The following ARSG variants were observed in gnomAD, a reference collection of about 807,000 sequenced individuals.
ARSG encodes the protein arylsulfatase G.
Under a neutral mutation model 50.5 loss-of-function variants are expected in ARSG, and 37 were observed. The ratio of observed to expected loss-of-function variants is 0.73; its 90% confidence interval spans 0.56 to 0.96. ARSG has a LOEUF of 0.96. Among genes scored for constraint, ARSG ranks in the 50% least tolerant of loss-of-function variants. The pLI is 0.00. For synonymous variants in ARSG, 225 were observed against 254.6 expected, an observed-to-expected ratio of 0.88 and a Z score of 1.11; for missense variants, 629 against 675.3, an observed-to-expected ratio of 0.93 and a Z score of 0.76.
intron 9 of ARSG, among the ~76,000 whole-genome samples, chr17:68,389,219 G>A (rs938154681): frequency 3.3e-5 from 5 of 152,172 alleles, no homozygotes; most frequent in African/African-American, 9.7e-5. Context: ...GGTTGGTGGA[G>A]GTGGTCTCAC....
chr17:68,401,201 T>A, intron 10 of ARSG, 159 bp from the exon 11 acceptor site: 1 of 632,370 alleles, frequency 1.6e-6, no homozygotes, highest in Non-Finnish European at 2.8e-6. Flanking sequence ...TTTTGTATTT[T>A]TTTGTAGGGA....
chr17:68,371,981 A>G (rs1861784), intron 8 of ARSG, among the ~76,000 whole-genome samples: 152,326 of 152,336 alleles, frequency 1, 76,158 homozygotes, highest in Non-Finnish European at 1. Flanking sequence ...AACATTAGCA[A>G]TAATTACCTC....
intron 11 of ARSG, among the ~76,000 whole-genome samples, chr17:68,416,880 T>G (rs374719741): frequency 6.6e-6 from 1 of 152,244 alleles, no homozygotes; most frequent in Admixed American, 6.5e-5. Context: ...CTTCTTGTAT[T>G]GATTTTTGGA....
At chr17:68,440,485 T>C in the ARSG span, among the ~76,000 whole-genome samples, 1 of 152,148 alleles carries the variant, frequency 6.6e-6, no homozygotes, top group African/African-American at 2.4e-5. Flanking sequence ...TTGCAAAGCC[T>C]AGAAAATATA....
chr17:68,372,888 T>C lies in ARSG; in HGVS notation c.982+2364T>C, dbSNP rs929209937. Among the ~76,000 whole-genome samples, 9 of 45,272 alleles carry C rather than the reference T, an allele frequency of 2.0e-4. 2 individuals carry two copies. In the East Asian group the frequency reaches 2.9e-3, roughly 14 times the overall value. The allele number at this position is 45,272 out of a possible 152,430, so 29.7% of individuals were successfully genotyped here. ...AGAAGGAAATGCTGATTTTTTTTTT[T>C]TTTTTTTTTTTTTTTTTTTTTGAGA... On this transcript the variant is annotated intron_variant, in intron 8 of 11. Coordinates refer to ENST00000621439, the MANE Select transcript of ARSG (RefSeq NM_001267727.2).
the ARSG span, among the ~76,000 whole-genome samples, chr17:68,434,357 G>A: frequency 3.3e-5 from 5 of 152,164 alleles, no homozygotes; most frequent in South Asian, 1.0e-3. Flanking sequence ...GCTGAACTGT[G>A]TTAAAACAGC....
chr17:68,315,568 C>G (rs1398623039), intron 2 of ARSG, among the ~76,000 whole-genome samples: 3 of 151,210 alleles, frequency 2.0e-5, no homozygotes, highest in Non-Finnish European at 4.4e-5. Context: ...TTTTTTCTCC[C>G]TTTGGTGCTA....
At chr17:68,335,517 G>A (rs1298426707) in intron 2 of ARSG, among the ~76,000 whole-genome samples, 2 of 147,488 alleles carry the variant, frequency 1.4e-5, no homozygotes, top group African/African-American at 5.1e-5. Context: ...TCATGCCACT[G>A]CCCTCCAGCC....
intron 8 of ARSG, among the ~76,000 whole-genome samples, chr17:68,376,276 C>CGTTTTTTTTTTTTTTTTTTT (rs149045241): frequency 7.6e-6 from 1 of 131,944 alleles, no homozygotes. Context: ...GCGCCCCCTG[C>CGTTTTTTTTTTTTTTTTTTT]ATTTTTTTTT....
downstream of ARSG, among the ~76,000 whole-genome samples, chr17:68,424,803 G>A (rs988201893): frequency 2.0e-5 from 3 of 151,274 alleles, no homozygotes; most frequent in Non-Finnish European, 4.4e-5. Flanking sequence ...CTTGAACCCA[G>A]GAGGCAGAGG....
chr17:68,426,254 G>GGGGGGGGGGGGGGGGGGGGGGGT, downstream of ARSG: 1 of 816,924 alleles, frequency 1.2e-6, no homozygotes, highest in Non-Finnish European at 1.9e-6. Flanking sequence ...GGGAGCGGGG[G>GGGGGGGGGGGGGGGGGGGGGGGT]CTCAAATAAA....
intron 2 of ARSG, among the ~76,000 whole-genome samples, chr17:68,326,507 A>C (rs116363297): frequency 0.14 from 21,937 of 152,170 alleles, 1,694 homozygotes; most frequent in Middle Eastern, 0.22. Context: ...TCTACTCTAA[A>C]TACAAAAATT....
At chr17:68,388,189 T>G (rs1050665251) in intron 9 of ARSG, among the ~76,000 whole-genome samples, 6 of 152,212 alleles carry the variant, frequency 3.9e-5, no homozygotes, top group African/African-American at 1.4e-4. Context: ...GCCAGGGCTT[T>G]GGCAGCACAT....
downstream of ARSG, chr17:68,421,698 A>T (rs2082785527): frequency 6.2e-7 from 1 of 1,606,870 alleles, no homozygotes; most frequent in Non-Finnish European, 8.5e-7. Context: ...ATTGCACTCC[A>T]TTCTTCCGCC....
upstream of ARSG, among the ~76,000 whole-genome samples, chr17:68,290,352 C>T (rs2075943556): frequency 6.6e-6 from 1 of 152,234 alleles, no homozygotes; most frequent in African/African-American, 2.4e-5. Context: ...ACGACAACAA[C>T]CTAGAAGGAA....
At chr17:68,332,515 G>A (rs1377437841) in intron 2 of ARSG, among the ~76,000 whole-genome samples, 2 of 152,164 alleles carry the variant, frequency 1.3e-5, no homozygotes, top group African/African-American at 4.8e-5. Context: ...ATTGATTGGG[G>A]AAGTGATAAG....
the ARSG span, among the ~76,000 whole-genome samples, chr17:68,436,695 G>A: frequency 6.6e-6 from 1 of 152,166 alleles, no homozygotes; most frequent in African/African-American, 2.4e-5. Flanking sequence ...CACTGGCTGC[G>A]TCCTTGCTAC....
chr17:68,368,419 G>T, intron 6 of ARSG, 129 bp from the exon 7 acceptor site: 2 of 755,232 alleles, frequency 2.6e-6, no homozygotes, highest in East Asian at 5.0e-5. Context: ...CTGGATAAAT[G>T]TGTCCTTCTT....
chr17:68,421,401 A>T (rs140191445), downstream of ARSG: 240 of 228,170 alleles, frequency 1.1e-3, 3 homozygotes, highest in African/African-American at 5.1e-3. Flanking sequence ...TAAGTATGTA[A>T]TATACAAGAA....
Sources: allele counts gnomAD v4.1 joint callset (sites outside exome capture counted in the v4.1 genomes callset), GRCh38; gene constraint gnomAD v4.1.1; transcripts MANE v1.5; gene names NCBI Gene and HGNC (gene_info 2026-07-23, HGNC 2026-07-21).